Variants in RNGTT observed in about 807,000 individuals in gnomAD.
RNGTT encodes the protein mRNA-capping enzyme.
A neutral mutation model predicts 79.3 loss-of-function variants in RNGTT; 33 were observed. The observed-to-expected ratio is 0.42, with a 90% CI of 0.32 to 0.56. RNGTT has a LOEUF of 0.56. Among genes scored for constraint, RNGTT ranks in the 20% least tolerant of loss-of-function variants. The pLI is 0.17. For synonymous variants in RNGTT, 222 were observed against 235.9 expected, an observed-to-expected ratio of 0.94 and a Z score of 0.54; for missense variants, 497 against 739.1, an observed-to-expected ratio of 0.67 and a Z score of 3.80.
At chr6:88,845,405 T>C (rs542551275) in intron 10 of RNGTT, among the ~76,000 whole-genome samples, 21 of 152,362 alleles carry the variant, frequency 1.4e-4, no homozygotes, top group African/African-American at 4.6e-4. Context: ...TTTGTATGAA[T>C]TGAGGATAAG....
At chr6:88,950,491 A>G (rs978993528) in intron 1 of RNGTT, among the ~76,000 whole-genome samples, 3 of 152,244 alleles carry the variant, frequency 2.0e-5, no homozygotes, top group Non-Finnish European at 4.4e-5. Flanking sequence ...CTTTCTGGAA[A>G]GGATTCACCA....
chr6:88,891,313 C>T (rs1783040917), intron 7 of RNGTT, among the ~76,000 whole-genome samples: 1 of 152,048 alleles, frequency 6.6e-6, no homozygotes, highest in South Asian at 2.1e-4. Flanking sequence ...CAATGATCAG[C>T]AGAAATGACC....
chr6:88,698,260 A>AAT (rs1229457522), intron 13 of RNGTT, among the ~76,000 whole-genome samples: 3 of 95,424 alleles, frequency 3.1e-5, no homozygotes, highest in African/African-American at 9.2e-5. Flanking sequence ...TATATATATA[A>AAT]ATATATATGA....
At chr6:88,829,670 T>C (rs1382199712) in intron 11 of RNGTT, among the ~76,000 whole-genome samples, 1 of 51,584 alleles carries the variant, frequency 1.9e-5, no homozygotes, top group African/African-American at 7.7e-5. Flanking sequence ...AGGCTCAAAA[T>C]AAAGGGATGA....
At chr6:88,761,387 A>G (rs1028416120) in intron 13 of RNGTT, among the ~76,000 whole-genome samples, 5 of 152,130 alleles carry the variant, frequency 3.3e-5, no homozygotes, top group Non-Finnish European at 5.9e-5. Flanking sequence ...GCTACTCTGG[A>G]GGCTGAAGCA....
At chr6:88,777,568 T>C (rs373726271) in intron 12 of RNGTT, among the ~76,000 whole-genome samples, 58 of 152,352 alleles carry the variant, frequency 3.8e-4, no homozygotes, top group African/African-American at 1.3e-3. Context: ...TTGATGCTAT[T>C]GTAAATGAGA....
At chr6:88,743,185 G>C (rs1208260813) in intron 13 of RNGTT, among the ~76,000 whole-genome samples, 1 of 152,162 alleles carries the variant, frequency 6.6e-6, no homozygotes, top group Non-Finnish European at 1.5e-5. Flanking sequence ...GATAGAAAAG[G>C]AGTAAGTTTT....
chr6:88,848,362 T>A (rs1027028406), intron 10 of RNGTT, among the ~76,000 whole-genome samples: 1 of 151,878 alleles, frequency 6.6e-6, no homozygotes, highest in African/African-American at 2.4e-5. Flanking sequence ...ATTCCAAGAA[T>A]GAGAACAACT....
Position 88,963,535 on chromosome 6 carries a change from A to G in RNGTT, c.-126T>C. ...AATCGCAGCCGTAATCTGAATTCCA[A>G]CCTCTCCGATCCGGGTAACGTCAGG... On this transcript the variant is annotated 5_prime_UTR_variant, in exon 1 of 16. Transcript: ENST00000369485. 2.3e-6 allele frequency: 2 copies of G among 857,954 alleles called. No homozygotes were observed. Among genetic ancestry groups the G allele is most frequent in the Non-Finnish European group, 3.4e-6 (2 of 592,218 alleles). The allele number at this position is 857,954 out of a possible 1,614,324, so 53.1% of individuals were successfully genotyped here. A position where few individuals can be genotyped will look rare whatever the true frequency, so the allele number is the denominator to read the frequency against.
intron 13 of RNGTT, among the ~76,000 whole-genome samples, chr6:88,694,145 AG>A (rs1370087746): frequency 1.3e-5 from 2 of 152,186 alleles, no homozygotes; most frequent in Non-Finnish European, 2.9e-5. Context: ...CAAATAGGAA[AG>A]GAAGTAGTGA....
chr6:88,693,066 C>T (rs1582338267), intron 13 of RNGTT, among the ~76,000 whole-genome samples: 1 of 151,710 alleles, frequency 6.6e-6, no homozygotes, highest in South Asian at 2.1e-4. Flanking sequence ...CCTAATATTA[C>T]ATCTTAAGGA....
intron 8 of RNGTT, among the ~76,000 whole-genome samples, chr6:88,883,973 T>C (rs1030863247): frequency 3.3e-5 from 5 of 152,136 alleles, no homozygotes; most frequent in Non-Finnish European, 7.3e-5. Flanking sequence ...ACTAACCAGA[T>C]TGGTGAAAAA....
At chr6:88,929,835 TACATATACAC>T (rs1473441142) in intron 2 of RNGTT, among the ~76,000 whole-genome samples, 5 of 151,276 alleles carry the variant, frequency 3.3e-5, no homozygotes, top group African/African-American at 4.9e-5. Flanking sequence ...TACACACATA[TACATATACAC>T]ACATATACAT....
chr6:88,760,760 T>A (rs944000700), intron 13 of RNGTT, among the ~76,000 whole-genome samples: 3 of 152,098 alleles, frequency 2.0e-5, no homozygotes, highest in Non-Finnish European at 4.4e-5. Context: ...TTTTCCCCCA[T>A]ACTTAATCCT....
chr6:88,646,417 T>C (rs1423630521), intron 14 of RNGTT, among the ~76,000 whole-genome samples: 1 of 152,234 alleles, frequency 6.6e-6, no homozygotes, highest in Non-Finnish European at 1.5e-5. Flanking sequence ...AGTTCAACCA[T>C]TGTGGAAGTC....
intron 4 of RNGTT, among the ~76,000 whole-genome samples, chr6:88,915,311 G>T (rs547230530): frequency 2.0e-5 from 3 of 152,072 alleles, no homozygotes; most frequent in Non-Finnish European, 4.4e-5. Context: ...AAAGATACCC[G>T]CACTTGTATG....
chr6:88,618,846 C>CT (rs1772334404), intron 14 of RNGTT, among the ~76,000 whole-genome samples: 1 of 152,192 alleles, frequency 6.6e-6, no homozygotes, highest in Non-Finnish European at 1.5e-5. Flanking sequence ...TGGCATTCAT[C>CT]TGTAACTCTT....
At chr6:88,819,895 CT>C (rs1434519969) in intron 11 of RNGTT, among the ~76,000 whole-genome samples, 8 of 152,054 alleles carry the variant, frequency 5.3e-5, no homozygotes, top group Non-Finnish European at 1.2e-4. Flanking sequence ...TTTATTTCAC[CT>C]TTCAAAAATT....
intron 14 of RNGTT, among the ~76,000 whole-genome samples, chr6:88,677,341 A>C (rs1316222739): frequency 6.6e-6 from 1 of 151,898 alleles, no homozygotes; most frequent in African/African-American, 2.4e-5. Flanking sequence ...GGGCACAAGG[A>C]AACTTTCTGA....
Sources: allele counts gnomAD v4.1 joint callset (sites outside exome capture counted in the v4.1 genomes callset), GRCh38; gene constraint gnomAD v4.1.1; transcripts MANE v1.5; gene names NCBI Gene and HGNC (gene_info 2026-07-23, HGNC 2026-07-21).